DTNBP1: variants seen among roughly 807,000 people sequenced by gnomAD.
DTNBP1 encodes dystrobrevin binding protein 1.
A neutral mutation model predicts 42.8 loss-of-function variants in DTNBP1; 35 were observed. That is an observed-to-expected ratio of 0.82 (90% CI 0.63 to 1.09). The LOEUF (loss-of-function observed/expected upper bound fraction) is 1.09. Among genes scored for constraint, DTNBP1 ranks in the 50% least tolerant of loss-of-function variants. DTNBP1 has a pLI of 0.00. For synonymous variants in DTNBP1, 171 were observed against 162.2 expected (o/e 1.05, Z -0.41); for missense variants, 457 against 424.2 (o/e 1.08, Z -0.68).
intron 6 of DTNBP1, among the ~76,000 whole-genome samples, chr6:15,610,916 G>A (rs1324870334): frequency 6.6e-6 from 1 of 152,248 alleles, no homozygotes; most frequent in Non-Finnish European, 1.5e-5. Flanking sequence ...GAAGCAGCAA[G>A]TGCTGATGTA....
At chr6:15,547,778 C>A (rs1773968687) in intron 7 of DTNBP1, among the ~76,000 whole-genome samples, 1 of 152,206 alleles carries the variant, frequency 6.6e-6, no homozygotes, top group Non-Finnish European at 1.5e-5. Flanking sequence ...GGCAAGATCC[C>A]CTGTGACCAG....
intron 8 of DTNBP1, among the ~76,000 whole-genome samples, chr6:15,527,268 A>T (rs918614450): frequency 2.0e-5 from 3 of 152,168 alleles, no homozygotes; most frequent in African/African-American, 7.2e-5. Flanking sequence ...TAATATCCAT[A>T]ATCTTGGGGG....
chr6:15,570,834 C>T (rs1235426152), intron 7 of DTNBP1, among the ~76,000 whole-genome samples: 1 of 151,938 alleles, frequency 6.6e-6, no homozygotes, highest in Non-Finnish European at 1.5e-5. Context: ...AGGTGGTATG[C>T]TAACTAGACA....
At chr6:15,576,514 G>A (rs897485300) in intron 7 of DTNBP1, among the ~76,000 whole-genome samples, 8 of 151,530 alleles carry the variant, frequency 5.3e-5, no homozygotes, top group Non-Finnish European at 1.0e-4. Context: ...AGTGGCTCAT[G>A]CCTATAATCC....
chr6:15,548,944 G>T (rs1218673764), intron 7 of DTNBP1, among the ~76,000 whole-genome samples: 1 of 152,072 alleles, frequency 6.6e-6, no homozygotes, highest in Non-Finnish European at 1.5e-5. Context: ...TATTAAAAAT[G>T]TATATTTTTC....
chr6:15,650,446 A>G (rs1038497151), intron 3 of DTNBP1, among the ~76,000 whole-genome samples: 9 of 151,856 alleles, frequency 5.9e-5, no homozygotes, highest in Non-Finnish European at 2.9e-5. Flanking sequence ...AGGCCCAGCT[A>G]ATTTTTGTAT....
intron 7 of DTNBP1, among the ~76,000 whole-genome samples, chr6:15,569,353 A>ACCCCCCCCCCCC (rs11332178): frequency 1.6e-5 from 2 of 127,172 alleles, no homozygotes; most frequent in South Asian, 2.7e-4. Flanking sequence ...GCCAGTTAAG[A>ACCCCCCCCCCCC]CCCCCCCCCG....
In DTNBP1 at chr6:15,525,151, G is replaced by A. The variant is rs1274418774; in HGVS notation, c.668-482C>T. Among the ~76,000 whole-genome samples, 3 of 152,190 alleles carry A rather than the reference G, an allele frequency of 2.0e-5. No homozygotes were observed. In the South Asian group the frequency reaches 6.2e-4, roughly 31 times the overall value. On this transcript the variant is annotated intron_variant, in intron 8 of 9. Coordinates refer to ENST00000344537, the MANE Select transcript of DTNBP1 (RefSeq NM_032122.5). ...TCGGGCCTAACGGCAGAAGGGGTTT[G>A]ACCTACATCTGTAAGCTGTAAGAGC...
At chr6:15,579,567 G>A (rs1775732062) in intron 7 of DTNBP1, among the ~76,000 whole-genome samples, 1 of 152,230 alleles carries the variant, frequency 6.6e-6, no homozygotes, top group Non-Finnish European at 1.5e-5. Context: ...GCACTTTGAA[G>A]GCCAAGGCGG....
intron 5 of DTNBP1, among the ~76,000 whole-genome samples, chr6:15,618,602 C>T (rs1758853779): frequency 6.6e-6 from 1 of 150,954 alleles, no homozygotes; most frequent in Non-Finnish European, 1.5e-5. Flanking sequence ...CGCGGAGAAA[C>T]GAGTTCTCAT....
intron 6 of DTNBP1, among the ~76,000 whole-genome samples, chr6:15,614,557 C>G (rs1235133705): frequency 1.3e-5 from 2 of 152,164 alleles, no homozygotes; most frequent in Non-Finnish European, 2.9e-5. Context: ...GAAATACCAA[C>G]CCTGTACCTT....
Position 15,523,088 on chromosome 6 carries a change from C to T in DTNBP1, c.943G>A (p.Glu315Lys), listed in dbSNP as rs1362440991. ...TCATCGGACTGAACAACGGGGGACT[C>T]CCCACCCTCACTGATGTCCCGGGTG... ...SATRDISEGG[E>K]SPVVQSDEEE... is the part of the protein sequence containing the mutation. Residue 315 changes from glutamate (E) to lysine (K), a missense_variant, in exon 10 of 10, where the codon GAG becomes AAG. Physicochemically the swap from Glu to Lys is moderately conservative, Grantham distance 56. Coordinates refer to ENST00000344537, the MANE Select transcript of DTNBP1 (RefSeq NM_032122.5). 1 of 1,614,210 alleles carries T rather than the reference C, an allele frequency of 6.2e-7. No homozygotes were observed. Among genetic ancestry groups the T allele is most frequent in the Non-Finnish European group, 8.5e-7 (1 of 1,180,044 alleles).
At chr6:15,531,694 C>A (rs113900967) in intron 8 of DTNBP1, among the ~76,000 whole-genome samples, 1 of 152,032 alleles carries the variant, frequency 6.6e-6, no homozygotes, top group Non-Finnish European at 1.5e-5. Context: ...AGTGCAGTGG[C>A]GCGATCTCAG....
Position 15,523,034 on chromosome 6 carries a change from C to G in DTNBP1, c.997G>C (p.Ala333Pro). 1 of 1,614,172 alleles carries G rather than the reference C, an allele frequency of 6.2e-7. No individual in the cohort carries two copies. The highest frequency in any genetic ancestry group is 2.2e-5 in the East Asian group (1 of 44,866). The part of the protein sequence containing the change: ...EEEVQVDTAL[A>P]TSHTDREATP... ...GCCTCTCTGTCAGTGTGTGATGTGG[C>G]CAGGGCAGTGTCCACCTGAACTTCC... is the stretch of plus-strand genomic sequence containing the variant. Residue 333 changes from alanine to proline, a missense_variant, in exon 10 of 10, where the codon GCC becomes CCC. Physicochemically the swap from Ala to Pro is conservative, Grantham distance 27 (BLOSUM62 -1). Coordinates refer to ENST00000344537, the MANE Select transcript of DTNBP1 (RefSeq NM_032122.5).
chr6:15,576,629 C>T (rs1775584557), intron 7 of DTNBP1, among the ~76,000 whole-genome samples: 1 of 151,742 alleles, frequency 6.6e-6, no homozygotes, highest in African/African-American at 2.4e-5. Context: ...ATTAGGTAGG[C>T]ATGGAGGTGT....
chr6:15,640,701 G>T (rs1760293367), intron 3 of DTNBP1, among the ~76,000 whole-genome samples: 1 of 152,214 alleles, frequency 6.6e-6, no homozygotes, highest in African/African-American at 2.4e-5. Flanking sequence ...GAGGCATCTA[G>T]AATCTGTCAC....
rs199770715 is a variant in DTNBP1, at chr6:15,593,088, G to GA, written c.489-8dup. The GA allele has an allele frequency of 0.21, 255,031 of 1,236,686 alleles. 2,611 individuals carry two copies. The highest frequency in any genetic ancestry group is 0.29 in the East Asian group (11,170 of 38,132). 76.6% of individuals were successfully genotyped at this position (1,236,686 alleles called of 1,614,324 possible). A position where few individuals can be genotyped will look rare whatever the true frequency, so the allele number is the denominator to read the frequency against. ...GAAGGTTTCAAGTTCCTTCCTGTAG[G>GA]AAAAAAAAAAAAAAGACAAGACAAT... On this transcript the variant is annotated splice_region_variant and splice_polypyrimidine_tract_variant and intron_variant, in intron 6 of 9. Transcript: ENST00000344537.
chr6:15,523,930 T>C, intron 9 of DTNBP1: 2 of 1,287,354 alleles, frequency 1.6e-6, no homozygotes, highest in Non-Finnish European at 2.0e-6. Flanking sequence ...GACTGAGCTT[T>C]GCCTTGACCC....
At chr6:15,598,058 T>C (rs1267231497) in intron 6 of DTNBP1, among the ~76,000 whole-genome samples, 1 of 152,128 alleles carries the variant, frequency 6.6e-6, no homozygotes, top group Non-Finnish European at 1.5e-5. Context: ...AGCATAACCC[T>C]AAAACTAAAA....
Sources: allele counts gnomAD v4.1 joint callset (sites outside exome capture counted in the v4.1 genomes callset), GRCh38; gene constraint gnomAD v4.1.1; transcripts MANE v1.5; gene names NCBI Gene and HGNC (gene_info 2026-07-23, HGNC 2026-07-21).